The following MYOZ2 variants were observed in gnomAD, a reference collection of about 807,000 sequenced individuals.
MYOZ2 encodes the protein myozenin 2.
Under a neutral mutation model 25.4 loss-of-function variants are expected in MYOZ2, and 19 were observed. The observed-to-expected ratio is 0.75, with a 90% confidence interval of 0.52 to 1.10. MYOZ2 has a LOEUF of 1.10. MYOZ2 is among the 50% of genes least tolerant of loss of function. The probability of loss-of-function intolerance (pLI) is 0.00; values close to 1 mark genes in which losing one functional copy is unlikely to be tolerated. For missense variants in MYOZ2, 270 were observed against 317.9 expected, an observed-to-expected ratio of 0.85 and a Z score of 1.15; for synonymous variants, 92 against 106.9, an observed-to-expected ratio of 0.86 and a Z score of 0.86.
At position 119,186,581 on chromosome 4, in the gene MYOZ2, C is replaced by T; in HGVS notation, c.*381C>T. On this transcript the variant is annotated 3_prime_UTR_variant, in exon 6 of 6. Coordinates refer to ENST00000307128, the MANE Select transcript of MYOZ2 (RefSeq NM_016599.5). ...AAAATACAGGGAGAGATATGAAGAC[C>T]TATTCAGAGTTTCATCTGGGGATGA... The T allele has an allele frequency of 4.6e-6, 1 of 216,708 alleles. No individual in the cohort carries two copies. The highest frequency in any genetic ancestry group is 6.9e-5 in the South Asian group (1 of 14,390). 13.4% of individuals were successfully genotyped at this position (216,708 alleles called of 1,614,324 possible). A position where few individuals can be genotyped will look rare whatever the true frequency, so the allele number is the denominator to read the frequency against.
At position 119,158,109 on chromosome 4, in the gene MYOZ2, C is replaced by T; in HGVS notation, c.334C>T (p.Pro112Ser). The change falls in exon 4 of 6, where the codon CCA becomes TCA. Residue 112 changes from proline (P) to serine (S), a missense_variant. Physicochemically the swap from Pro to Ser is moderately conservative, Grantham distance 74. Coordinates refer to ENST00000307128, the MANE Select transcript of MYOZ2 (RefSeq NM_016599.5). ...QQAPLTPPNT[P>S]DPRSPPNPDN... ...AGCCCCCTTGACTCCTCCCAACACC[C>T]CAGATCCACGAAGCCCTCCAAATCC... The T allele has an allele frequency of 6.2e-7, 1 of 1,614,034 alleles. No homozygotes were observed. Among genetic ancestry groups the T allele is most frequent in the Non-Finnish European group, 8.5e-7 (1 of 1,179,978 alleles).
At chr4:119,169,968 T>C (rs1194591546) in intron 5 of MYOZ2, among the ~76,000 whole-genome samples, 1 of 152,190 alleles carries the variant, frequency 6.6e-6, no homozygotes, top group African/African-American at 2.4e-5. Flanking sequence ...ACAGGTTTTT[T>C]TAAAAAAATA....
At chr4:119,178,500 G>A (rs1026280067) in intron 5 of MYOZ2, among the ~76,000 whole-genome samples, 2 of 152,144 alleles carry the variant, frequency 1.3e-5, no homozygotes, top group African/African-American at 4.8e-5. Flanking sequence ...TCAGTAAATT[G>A]CATATTTATA....
At chr4:119,170,317 G>A (rs1008165320) in intron 5 of MYOZ2, among the ~76,000 whole-genome samples, 2 of 149,366 alleles carry the variant, frequency 1.3e-5, no homozygotes, top group African/African-American at 2.5e-5. Context: ...ATTTCACTTA[G>A]TATAATGTCC....
intron 3 of MYOZ2, among the ~76,000 whole-genome samples, chr4:119,154,001 T>G (rs1490339674): frequency 6.6e-6 from 1 of 152,146 alleles, no homozygotes; most frequent in Non-Finnish European, 1.5e-5. Context: ...ATTCTCTTCT[T>G]ATCAGTTACT....
chr4:119,182,418 A>G (rs1403060368), intron 5 of MYOZ2, among the ~76,000 whole-genome samples: 2 of 152,168 alleles, frequency 1.3e-5, no homozygotes, highest in African/African-American at 4.8e-5. Context: ...AGTAGTTATC[A>G]GTCACAAAAA....
intron 5 of MYOZ2, among the ~76,000 whole-genome samples, chr4:119,175,226 C>T (rs56034803): frequency 0.25 from 37,263 of 151,758 alleles, 4,955 homozygotes; most frequent in South Asian, 0.36. Flanking sequence ...ATCTACAAAT[C>T]GGTAGGAAAA....
At chr4:119,165,387 T>C (rs1741801645) in intron 5 of MYOZ2, among the ~76,000 whole-genome samples, 1 of 151,924 alleles carries the variant, frequency 6.6e-6, no homozygotes, top group Non-Finnish European at 1.5e-5. Context: ...GGCATGTACC[T>C]GTAGTCCCAG....
At chr4:119,151,771 C>T (rs1056659563) in intron 3 of MYOZ2, among the ~76,000 whole-genome samples, 16 of 152,024 alleles carry the variant, frequency 1.1e-4, no homozygotes, top group Non-Finnish European at 1.8e-4. Flanking sequence ...ATAGTGCATT[C>T]GTCCTAAATT....
rs1742161413 is a variant in MYOZ2, at chr4:119,180,300, G to C, written c.561-5666G>C. Among the ~76,000 whole-genome samples, 4 of 152,208 alleles carry C rather than the reference G, an allele frequency of 2.6e-5. No individual in the cohort carries two copies. The South Asian group carries it at 8.3e-4, about 32-fold the overall frequency. ...TAACTTCTACCCATCATTGTTGTTA[G>C]ATCAGTCAACTGTATATATGAATGA... On this transcript the variant is annotated intron_variant, in intron 5 of 5. Transcript: ENST00000307128.
chr4:119,182,927 G>A (rs72910585), intron 5 of MYOZ2, among the ~76,000 whole-genome samples: 31,294 of 152,052 alleles, frequency 0.21, 3,309 homozygotes, highest in African/African-American at 0.25. Context: ...TAATTGAAAC[G>A]AAAGTAATAG....
chr4:119,172,871 G>T (rs887902231), intron 5 of MYOZ2, among the ~76,000 whole-genome samples: 7 of 152,148 alleles, frequency 4.6e-5, no homozygotes. Flanking sequence ...ATCTCTCACT[G>T]TTATAATTTT....
In MYOZ2 at chr4:119,139,546, A is replaced by T. The variant is rs542094581; in HGVS notation, c.76+2945A>T. ...TCAGTATCTCATGTGAAACTTGAAG[A>T]CTGAATGAAGAGAGAGAGGTAGGAA... On this transcript the variant is annotated intron_variant, in intron 2 of 5. Transcript: ENST00000307128. Among the ~76,000 whole-genome samples the T allele has an allele frequency of 3.9e-5, 6 of 152,254 alleles. No homozygotes were observed. The South Asian group carries it at 1.2e-3, about 32-fold the overall frequency.
intron 5 of MYOZ2, among the ~76,000 whole-genome samples, chr4:119,173,183 C>T (rs1013984418): frequency 6.6e-6 from 1 of 152,132 alleles, no homozygotes; most frequent in African/African-American, 2.4e-5. Flanking sequence ...ACTGACCCAT[C>T]AAAATAAACA....
intron 2 of MYOZ2, among the ~76,000 whole-genome samples, chr4:119,137,500 T>C (rs911175027): frequency 1.3e-5 from 2 of 152,112 alleles, no homozygotes; most frequent in Non-Finnish European, 2.9e-5. Flanking sequence ...CACTACAATA[T>C]TGAGACCTAG....
intron 5 of MYOZ2, among the ~76,000 whole-genome samples, chr4:119,166,450 A>G (rs896724365): frequency 6.6e-6 from 1 of 152,006 alleles, no homozygotes; most frequent in Non-Finnish European, 1.5e-5. Flanking sequence ...AGGCTGCTGC[A>G]ATGAGCTATA....
intron 5 of MYOZ2, among the ~76,000 whole-genome samples, chr4:119,183,254 G>T (rs1742224382): frequency 6.6e-6 from 1 of 152,038 alleles, no homozygotes; most frequent in African/African-American, 2.4e-5. Flanking sequence ...ATATAAAATA[G>T]GATCGCAGGG....
At chr4:119,184,833 C>A (rs1336423438) in intron 5 of MYOZ2, among the ~76,000 whole-genome samples, 6 of 152,304 alleles carry the variant, frequency 3.9e-5, no homozygotes, top group Admixed American at 2.0e-4. Context: ...AGACATACTG[C>A]TTGACCTAAA....
Position 119,187,280 on chromosome 4 carries a change from A to G in MYOZ2, c.*1080A>G, listed in dbSNP as rs1425002982. 6.6e-6 allele frequency: 1 copy of G among 152,204 alleles called. No homozygotes were observed. The highest frequency in any genetic ancestry group is 6.5e-5 in the Admixed American group (1 of 15,282). The allele number at this position is 152,204 out of a possible 1,614,324, so 9.4% of individuals were successfully genotyped here. On this transcript the variant is annotated 3_prime_UTR_variant, in exon 6 of 6. Transcript: ENST00000307128. ...TGAAGAAGCATATGACATATAACTT[A>G]TAGAAATCAGTATCAATTCCTCCCA...
Sources: gnomAD v4.1 joint callset for allele counts (sites outside exome capture counted in the v4.1 genomes callset) on GRCh38, gnomAD v4.1.1 for gene constraint, MANE v1.5 for transcripts, NCBI Gene and HGNC (gene_info 2026-07-23, HGNC 2026-07-21) for gene names.